The following FGD2 variants were observed in gnomAD, a reference collection of about 807,000 sequenced individuals.
The protein encoded by FGD2 is FYVE, RhoGEF and PH domain containing 2, also known as FYVE, RhoGEF and PH domain-containing protein 2.
FGD2 carries 52 observed loss-of-function variants against 75.9 expected under a neutral mutation model. The ratio of observed to expected loss-of-function variants is 0.69; its 90% CI spans 0.55 to 0.86. The LOEUF (loss-of-function observed/expected upper bound fraction) is 0.86, where lower values mean the gene tolerates loss of function less well. Ranked by LOEUF, FGD2 falls within the 40% of genes least tolerant of loss-of-function variation. FGD2 has a pLI of 0.00. For synonymous variants in FGD2, 347 were observed against 348.6 expected (o/e 1.00, Z 0.05); for missense variants, 790 against 872.0 (o/e 0.91, Z 1.18).
Position 37,014,808 on chromosome 6 carries a change from C to A in FGD2, c.883-84C>A, listed in dbSNP as rs150915003. On this transcript the variant is annotated intron_variant, in intron 7 of 15. Transcript: ENST00000274963. The stretch of plus-strand genomic sequence containing the variant: ...CACTGCTGCCCTCACTGTTACCCCC[C>A]AGTCCCCGTCCCCACAAGGCAAGCC... 12 of 1,608,626 alleles carry A rather than the reference C, an allele frequency of 7.5e-6. 1 individual carries two copies. The highest frequency in any genetic ancestry group is 3.3e-5 in the South Asian group (3 of 90,590).
chr6:37,017,075 GTATACTCT>G (rs896561961), intron 9 of FGD2, among the ~76,000 whole-genome samples: 1 of 151,616 alleles, frequency 6.6e-6, no homozygotes, highest in Non-Finnish European at 1.5e-5. Context: ...AGAAGCAGTG[GTATACTCT>G]ACACATTTTT....
At chr6:37,008,213 G>A (rs529037357) in intron 1 of FGD2, among the ~76,000 whole-genome samples, 10 of 152,314 alleles carry the variant, frequency 6.6e-5, no homozygotes, top group Non-Finnish European at 1.5e-4. Flanking sequence ...CAAGGGCAAC[G>A]TTGGGTGTAT....
intron 3 of FGD2, 57 bp from the exon 4 acceptor site, chr6:37,011,649 C>T: frequency 6.2e-7 from 1 of 1,610,148 alleles, no homozygotes. Flanking sequence ...TTCCCCCGGG[C>T]TGATGTGTGG....
rs372998624 is a variant in FGD2 at position 37,011,693 on chromosome 6, G to C, written c.379-13G>C. The C allele has an allele frequency of 1.2e-6, 2 of 1,613,960 alleles. No individual in the cohort carries two copies. The highest frequency in any genetic ancestry group is 1.7e-5 in the Admixed American group (1 of 60,000). ...CTGTCACTGCAGTGAGTGACCTGTC[G>C]TGGCGGCTACAGGTGTTTTTCCAGG... On this transcript the variant is annotated splice_polypyrimidine_tract_variant and intron_variant, in intron 3 of 15. Coordinates refer to ENST00000274963, the MANE Select transcript of FGD2 (RefSeq NM_173558.4).
At chr6:37,013,877 T>A in intron 5 of FGD2, 85 bp from the exon 6 acceptor site, 1 of 1,583,228 alleles carries the variant, frequency 6.3e-7, no homozygotes, top group Non-Finnish European at 8.6e-7. Context: ...CATAGGCCCC[T>A]GCCTACTCGT....
rs769347475 is a variant in FGD2 at position 37,013,635 on chromosome 6, T to C, written c.554T>C (p.Val185Ala). ...DWTANPRIGD[V>A]IQKLAPFLKM... is the part of the protein sequence containing the mutation. ...ACAGCTAACCCCCGCATCGGTGACGTGATCCAGAAGCTGGCCCCCTTCCTG... is the reference window on the plus strand; with the variant it reads ...ACAGCTAACCCCCGCATCGGTGACGCGATCCAGAAGCTGGCCCCCTTCCTG... Residue 185 changes from valine (V) to alanine (A), a missense_variant, in exon 5 of 16, where the codon GTG becomes GCG. By Grantham distance (64) the Val-to-Ala change is moderately conservative (BLOSUM62 0). Transcript: ENST00000274963. 5 of 1,614,040 alleles carry C rather than the reference T, an allele frequency of 3.1e-6. No individual in the cohort carries two copies. In the South Asian group the frequency reaches 4.4e-5, roughly 14 times the overall value.
intron 14 of FGD2, among the ~76,000 whole-genome samples, chr6:37,026,492 G>A (rs9462253): frequency 0.015 from 2,347 of 152,156 alleles, 54 homozygotes; most frequent in African/African-American, 0.05. Flanking sequence ...TTGCCCTGGG[G>A]GCCTCACTGA....
At chr6:37,021,468 C>G (rs1355181224) in intron 11 of FGD2, 44 bp from the exon 12 acceptor site, 6 of 1,549,122 alleles carry the variant, frequency 3.9e-6, no homozygotes, top group Non-Finnish European at 5.3e-6. Context: ...CAATCCCTCC[C>G]TTCCACACCT....
Position 37,008,987 on chromosome 6 carries a change from C to A in FGD2, c.222C>A (p.Asn74Lys), listed in dbSNP as rs1764881316. 1 of 1,614,260 alleles carries A rather than the reference C, an allele frequency of 6.2e-7. No individual in the cohort carries two copies. The highest frequency in any genetic ancestry group is 1.7e-5 in the Admixed American group (1 of 60,032). ...EPRTVSRRYL[N>K]SLKNKLSSEA... is the part of the protein sequence containing the mutation. ...GGACAGTCAGCAGGAGGTACCTGAA[C>A]TCCCTGAAGAACAAGCTGTCCAGCG... The change falls in exon 2 of 16, where the codon AAC (asparagine) becomes AAA (lysine). Residue 74 changes from asparagine (N) to lysine (K), a missense_variant. Coordinates refer to ENST00000274963, the MANE Select transcript of FGD2 (RefSeq NM_173558.4).
intron 13 of FGD2, chr6:37,024,572 T>C (rs565275599): frequency 5.9e-5 from 9 of 152,316 alleles, no homozygotes; most frequent in African/African-American, 1.9e-4. Context: ...TTAGTGAATC[T>C]AGTGGGTGGT....
rs1765021082 is a variant in FGD2, at chr6:37,011,784, A to G, written c.457A>G (p.Asn153Asp). Reference protein sequence around the residue: ...PEDVVRVIFSNISSIYQFHSQ... With the variant: ...PEDVVRVIFSDISSIYQFHSQ... ...GGATGTGGTCAGGGTCATCTTCTCC[A>G]ACATCTCCTCCATCTATCAGTTCCA... The change falls in exon 4 of 16, where the codon AAC (asparagine) becomes GAC (aspartate). Residue 153 changes from asparagine to aspartate, a missense_variant. Asn to Asp is a conservative substitution (Grantham distance 23). Coordinates refer to ENST00000274963, the MANE Select transcript of FGD2 (RefSeq NM_173558.4). The G allele has an allele frequency of 6.2e-7, 1 of 1,614,074 alleles. No individual in the cohort carries two copies. Among genetic ancestry groups the G allele is most frequent in the South Asian group, 1.1e-5 (1 of 91,062 alleles).
intron 11 of FGD2, among the ~76,000 whole-genome samples, chr6:37,021,036 A>ATGTGTG (rs1488351367): frequency 3.4e-5 from 5 of 148,406 alleles, no homozygotes; most frequent in African/African-American, 1.2e-4. Context: ...GTATGTGTAT[A>ATGTGTG]TGTGTGTTTG....
At position 37,011,574 on chromosome 6, in the gene FGD2, G is replaced by T. The variant is rs575852262; in HGVS notation, c.379-132G>T. On this transcript the variant is annotated intron_variant, in intron 3 of 15. Transcript: ENST00000274963. ...ACCTCCCCTGCCTTCTTTTCCCGGG[G>T]TTGCTGTGAGGATGCCGGGAGATCA... 34 of 1,241,530 alleles carry T rather than the reference G, an allele frequency of 2.7e-5. No individual in the cohort carries two copies. In the East Asian group the frequency reaches 8.0e-4, roughly 29 times the overall value. The allele number at this position is 1,241,530 out of a possible 1,614,324, so 76.9% of individuals were successfully genotyped here. A position where few individuals can be genotyped will look rare whatever the true frequency, so the allele number is the denominator to read the frequency against.
At chr6:37,024,159 G>A (rs1765712279) in intron 13 of FGD2, 1 of 152,148 alleles carries the variant, frequency 6.6e-6, no homozygotes, top group South Asian at 2.1e-4. Context: ...TGGCCAACAT[G>A]GTGAAACCCT....
Position 37,021,801 on chromosome 6 carries a change from A to C in FGD2, c.1326+197A>C, listed in dbSNP as rs186625262. 1,309 of 575,330 alleles carry C rather than the reference A, an allele frequency of 2.3e-3. 9 individuals carry two copies. Among genetic ancestry groups the C allele is most frequent in the African/African-American group, 0.022 (1,153 of 53,530 alleles). The allele number at this position is 575,330 out of a possible 1,614,324, so 35.6% of individuals were successfully genotyped here. On this transcript the variant is annotated intron_variant, in intron 12 of 15. Coordinates refer to ENST00000274963, the MANE Select transcript of FGD2 (RefSeq NM_173558.4). ...TTCCCCTTTAGCAAAACTTCCTTTG[A>C]GAGCCTGTCTGCACAGCTGTCTTGG...
intron 9 of FGD2, among the ~76,000 whole-genome samples, chr6:37,020,326 G>C (rs1331191355): frequency 1.3e-5 from 2 of 152,054 alleles, no homozygotes; most frequent in Non-Finnish European, 2.9e-5. Flanking sequence ...TAAAATTCCA[G>C]GAGCCATAGG....
Position 37,022,313 on chromosome 6 carries a change from C to T in FGD2, c.1401C>T (p.Cys467=). 6.3e-7 allele frequency: 1 copy of T among 1,590,072 alleles called. No homozygotes were observed. Among genetic ancestry groups the T allele is most frequent in the Non-Finnish European group, 8.5e-7 (1 of 1,170,586 alleles). ...RDKMVTMCMR[C]QEPFNALTRR... The stretch of plus-strand genomic sequence containing the variant: ...AGATGGTGACCATGTGCATGCGCTG[C>T]CAGGAGCCCTTCAACGCTCTGACGC... Residue 467 remains cysteine (C), a synonymous_variant, in exon 13 of 16, where the codon TGC becomes TGT. Coordinates refer to ENST00000274963, the MANE Select transcript of FGD2 (RefSeq NM_173558.4).
chr6:37,013,543 C>T (rs1765124865), intron 4 of FGD2, 66 bp from the exon 5 acceptor site: 1 of 1,563,286 alleles, frequency 6.4e-7, no homozygotes. Context: ...CCTGGCCTCA[C>T]CTGGCCCTAT....
At chr6:37,022,192 G>C (rs1765616883) in intron 12 of FGD2, 47 bp from the exon 13 acceptor site, 1 of 1,574,864 alleles carries the variant, frequency 6.3e-7, no homozygotes, top group East Asian at 2.4e-5. Context: ...ATGGGCGGAA[G>C]AAGGTCACCA....
Sources: allele counts gnomAD v4.1 joint callset (sites outside exome capture counted in the v4.1 genomes callset), GRCh38; gene constraint gnomAD v4.1.1; transcripts MANE v1.5; gene names NCBI Gene and HGNC (gene_info 2026-07-23, HGNC 2026-07-21).